DHRSX: variants seen among roughly 807,000 people sequenced by gnomAD.
The protein encoded by DHRSX is polyprenol dehydrogenase.
In DHRSX, 31 loss-of-function variants were observed where a neutral mutation model predicts 34.0. That is an observed-to-expected ratio of 0.91 (90% confidence interval 0.69 to 1.23). The LOEUF (loss-of-function observed/expected upper bound fraction) is 1.23, where lower values mean the gene tolerates loss of function less well. DHRSX is among the 50% of genes most tolerant of loss of function. DHRSX has a pLI of 0.00. For synonymous variants in DHRSX, 201 were observed against 183.8 expected, an observed-to-expected ratio of 1.09 and a Z score of -0.76; for missense variants, 414 against 428.1, an observed-to-expected ratio of 0.97 and a Z score of 0.29.
At chrX:2,452,086 G>A (rs1003119696) in intron 1 of DHRSX, among the ~76,000 whole-genome samples, 6 of 149,770 alleles carry the variant, frequency 4.0e-5, no homozygotes, top group Non-Finnish European at 8.9e-5. Context: ...AGGGATCGCC[G>A]CCATGTACTC....
rs1569478899 is a variant in DHRSX, at chrX:2,243,807, T to TG, written c.597-578_597-577insC. 5.7e-4 allele frequency among the ~76,000 whole-genome samples: 56 copies of TG among 97,992 alleles called. 1 individual carries two copies. Among genetic ancestry groups the TG allele is most frequent in the Middle Eastern group, 4.8e-3 (1 of 210 alleles). 64.3% of individuals were successfully genotyped at this position (97,992 alleles called of 152,430 possible). A position where few individuals can be genotyped will look rare whatever the true frequency, so the allele number is the denominator to read the frequency against. On this transcript the variant is annotated intron_variant, in intron 5 of 6. Coordinates refer to ENST00000334651, the MANE Select transcript of DHRSX (RefSeq NM_145177.3). ...CTCCCTGTTTTTTTTTTTTTTTTTT[T>TG]TTTTTTTTTTTTTTTGAGACAGATT... is the stretch of plus-strand genomic sequence containing the variant.
At chrX:2,354,586 C>T (rs1186906355) in intron 3 of DHRSX, among the ~76,000 whole-genome samples, 3 of 152,116 alleles carry the variant, frequency 2.0e-5, no homozygotes, top group Non-Finnish European at 2.9e-5. Context: ...CTCAGCCTCC[C>T]GAATAGCTGG....
intron 1 of DHRSX, among the ~76,000 whole-genome samples, chrX:2,467,425 C>T (rs769673171): frequency 9.8e-5 from 15 of 152,286 alleles, no homozygotes; most frequent in African/African-American, 3.6e-4. Context: ...GCCTCAGGAA[C>T]GCGGCACAGT....
chrX:2,293,729 C>G (rs1360877664), intron 3 of DHRSX, among the ~76,000 whole-genome samples: 1 of 151,958 alleles, frequency 6.6e-6, no homozygotes, highest in Non-Finnish European at 1.5e-5. Context: ...CACTGGGGAG[C>G]CTCATAGGGG....
chrX:2,353,584 A>ATTT (rs774278281), intron 3 of DHRSX, among the ~76,000 whole-genome samples: 17,398 of 135,948 alleles, frequency 0.13, 1,606 homozygotes, highest in African/African-American at 0.24. Context: ...AGCTGATTGC[A>ATTT]TTTTTTTTTT....
chrX:2,394,605 C>T (rs747406652), intron 3 of DHRSX, among the ~76,000 whole-genome samples: 2 of 152,054 alleles, frequency 1.3e-5, no homozygotes, highest in Non-Finnish European at 2.9e-5. Context: ...CAGTGGCTCA[C>T]GCCTGTAATC....
intron 3 of DHRSX, among the ~76,000 whole-genome samples, chrX:2,388,273 T>C (rs1234987191): frequency 6.6e-6 from 1 of 152,016 alleles, no homozygotes; most frequent in Non-Finnish European, 1.5e-5. Context: ...CTGAATTTTG[T>C]CCCCCTCAAA....
rs188072645 is a variant in DHRSX, at chrX:2,500,146, T to C, written c.109+671A>G. ...CAGACAGTGAACGAGTCCTGCAAAGTTGGAGATCTGTGACTCAGAGATGTT... is the reference window on the plus strand; with the variant it reads ...CAGACAGTGAACGAGTCCTGCAAAGCTGGAGATCTGTGACTCAGAGATGTT... On this transcript the variant is annotated intron_variant, in intron 1 of 6. Transcript: ENST00000334651. Among the ~76,000 whole-genome samples, 717 of 152,290 alleles carry C rather than the reference T, an allele frequency of 4.7e-3. 4 individuals are homozygous for C. Among genetic ancestry groups the C allele is most frequent in the Non-Finnish European group, 8.0e-3 (546 of 68,018 alleles).
At chrX:2,229,499 C>T (rs979318215) in intron 6 of DHRSX, among the ~76,000 whole-genome samples, 50 of 152,010 alleles carry the variant, frequency 3.3e-4, no homozygotes, top group Non-Finnish European at 1.6e-4. Context: ...AAATAGGTTT[C>T]GGGGCTGGAT....
chrX:2,227,028 A>T (rs2015681358), intron 6 of DHRSX, among the ~76,000 whole-genome samples: 1 of 151,822 alleles, frequency 6.6e-6, no homozygotes, highest in South Asian at 2.1e-4. Flanking sequence ...TTCCCTCCGG[A>T]GGCAGCCCCT....
intron 3 of DHRSX, among the ~76,000 whole-genome samples, chrX:2,317,413 T>C (rs1338233950): frequency 6.6e-6 from 1 of 151,092 alleles, no homozygotes; most frequent in African/African-American, 2.4e-5. Flanking sequence ...CGCCACGCCC[T>C]GCTATTTTTT....
chrX:2,283,579 C>T (rs949561507), intron 4 of DHRSX, among the ~76,000 whole-genome samples: 1 of 152,062 alleles, frequency 6.6e-6, no homozygotes, highest in African/African-American at 2.4e-5. Flanking sequence ...AGGTGTCCGT[C>T]CACCAAAAAG....
intron 3 of DHRSX, among the ~76,000 whole-genome samples, chrX:2,339,848 T>G (rs755885183): frequency 6.6e-6 from 1 of 152,216 alleles, no homozygotes; most frequent in East Asian, 1.9e-4. Flanking sequence ...TGTGTCTTTA[T>G]AGTAGAATGA....
intron 1 of DHRSX, among the ~76,000 whole-genome samples, chrX:2,445,599 G>A (rs1315908836): frequency 1.3e-5 from 2 of 151,776 alleles, no homozygotes; most frequent in East Asian, 1.9e-4. Flanking sequence ...CCAAGGGACC[G>A]CTGCCCTGTA....
intron 4 of DHRSX, among the ~76,000 whole-genome samples, chrX:2,276,784 G>C (rs116018917): frequency 6.6e-6 from 1 of 150,492 alleles, no homozygotes; most frequent in African/African-American, 2.4e-5. Context: ...AAGAGAGAAG[G>C]AGAGGGAGGA....
chrX:2,326,712 T>C (rs1389607213), intron 3 of DHRSX, among the ~76,000 whole-genome samples: 1 of 152,094 alleles, frequency 6.6e-6, no homozygotes, highest in East Asian at 1.9e-4. Context: ...TTTTGAAGTA[T>C]GCCCAAAGCA....
intron 3 of DHRSX, among the ~76,000 whole-genome samples, chrX:2,366,256 A>C (rs985050242): frequency 1.3e-5 from 2 of 152,086 alleles, no homozygotes; most frequent in African/African-American, 4.8e-5. Flanking sequence ...AGCCTGGCCA[A>C]CCTAGTAAAA....
chrX:2,485,939 G>C (rs62584586), intron 1 of DHRSX, among the ~76,000 whole-genome samples: 1 of 150,270 alleles, frequency 6.7e-6, no homozygotes, highest in South Asian at 2.1e-4. Flanking sequence ...AAGAAAGGAA[G>C]GATTTGTTGG....
intron 2 of DHRSX, among the ~76,000 whole-genome samples, chrX:2,415,046 C>G (rs1356013216): frequency 6.6e-6 from 1 of 151,890 alleles, no homozygotes; most frequent in African/African-American, 2.4e-5. Flanking sequence ...CGTGACCAAC[C>G]AAACAGATCC....
Sources: gnomAD v4.1 joint callset for allele counts (sites outside exome capture counted in the v4.1 genomes callset) on GRCh38, gnomAD v4.1.1 for gene constraint, MANE v1.5 for transcripts, NCBI Gene and HGNC (gene_info 2026-07-23, HGNC 2026-07-21) for gene names.